The following MYT1L variants were observed in gnomAD, a reference collection of about 807,000 sequenced individuals.
MYT1L encodes the protein myelin transcription factor 1 like.
Under a neutral mutation model 126.7 loss-of-function variants are expected in MYT1L, and 12 were observed. The observed-to-expected ratio is 0.09, with a 90% CI of 0.06 to 0.15. MYT1L has a LOEUF of 0.15. Among genes scored for constraint, MYT1L ranks in the 10% least tolerant of loss-of-function variants. The pLI is 1.00. For synonymous variants in MYT1L, 541 were observed against 604.2 expected (o/e 0.90, Z 1.53); for missense variants, 979 against 1,585.2 (o/e 0.62, Z 6.49).
Position 2,156,824 on chromosome 2 carries a change from G to T in MYT1L, c.-304+16048C>A, listed in dbSNP as rs539122354. Among the ~76,000 whole-genome samples the T allele has an allele frequency of 1.8e-4, 27 of 152,320 alleles. No homozygotes were observed. The South Asian group carries it at 5.4e-3, about 30-fold the overall frequency. ...TGTCATCTTGGGAACAGAGCAAAGC[G>T]GCTGTTGGAGAGCCCTGCTGAGACA... On this transcript the variant is annotated intron_variant, in intron 3 of 24. Coordinates refer to ENST00000647738, the MANE Select transcript of MYT1L (RefSeq NM_001303052.2).
intron 2 of MYT1L, among the ~76,000 whole-genome samples, chr2:2,273,699 G>T (rs1342680964): frequency 6.6e-6 from 1 of 152,180 alleles, no homozygotes; most frequent in Admixed American, 6.5e-5. Context: ...AGCAGCGGGA[G>T]GTACCCAGCT....
chr2:1,853,225 A>G (rs1372058588), intron 18 of MYT1L, among the ~76,000 whole-genome samples: 1 of 152,180 alleles, frequency 6.6e-6, no homozygotes, highest in African/African-American at 2.4e-5. Context: ...GAAGCAGTAA[A>G]GGGTTCTTCT....
chr2:2,149,776 G>A (rs972038719), intron 3 of MYT1L, among the ~76,000 whole-genome samples: 2 of 151,488 alleles, frequency 1.3e-5, no homozygotes, highest in Non-Finnish European at 2.9e-5. Context: ...CTCAAATTAG[G>A]CTGCCATCCC....
At chr2:2,087,414 C>A (rs1178926902) in intron 3 of MYT1L, among the ~76,000 whole-genome samples, 1 of 152,120 alleles carries the variant, frequency 6.6e-6, no homozygotes, top group East Asian at 1.9e-4. Context: ...AGGTAATAGG[C>A]AAAGTGAAGC....
At chr2:1,934,225 T>C (rs538621639) in intron 9 of MYT1L, among the ~76,000 whole-genome samples, 227 of 150,542 alleles carry the variant, frequency 1.5e-3, no homozygotes, top group East Asian at 0.011. Flanking sequence ...CCTCCCGCCT[T>C]GGCCTCCAAA....
intron 2 of MYT1L, among the ~76,000 whole-genome samples, chr2:2,281,402 G>A (rs1402293266): frequency 6.6e-6 from 1 of 152,156 alleles, no homozygotes; most frequent in Non-Finnish European, 1.5e-5. Context: ...TAATAGTGTG[G>A]GGCAAATGAC....
intron 3 of MYT1L, among the ~76,000 whole-genome samples, chr2:2,078,453 G>A (rs1212471174): frequency 6.6e-6 from 1 of 152,056 alleles, no homozygotes; most frequent in Non-Finnish European, 1.5e-5. Context: ...AACGCACTTT[G>A]AATTCAAAGC....
In MYT1L at chr2:2,111,338, G is replaced by A. The variant is rs74465343; in HGVS notation, c.-303-57215C>T. 3.6e-4 allele frequency among the ~76,000 whole-genome samples: 55 copies of A among 152,220 alleles called. 1 individual carries two copies. In the East Asian group the frequency reaches 0.01, roughly 28 times the overall value. ...GTAACAGAGCACAAGTCCTAGGAGC[G>A]TCCTCCCATCCTCCCCCCGACGGCA... On this transcript the variant is annotated intron_variant, in intron 3 of 24. Coordinates refer to ENST00000647738, the MANE Select transcript of MYT1L (RefSeq NM_001303052.2).
intron 19 of MYT1L, chr2:1,842,007 TAAAAC>T (rs1227248808): frequency 6.6e-6 from 1 of 152,152 alleles, no homozygotes; most frequent in East Asian, 1.9e-4. Flanking sequence ...AAATAATACA[TAAAAC>T]AAATGGGATT....
At chr2:1,967,766 C>CGA (rs966905632) in intron 8 of MYT1L, among the ~76,000 whole-genome samples, 1 of 152,032 alleles carries the variant, frequency 6.6e-6, no homozygotes, top group Admixed American at 6.6e-5. Flanking sequence ...GCTGCGCAGG[C>CGA]GAGACGAGGT....
chr2:2,109,411 G>A (rs2079111006), intron 3 of MYT1L, among the ~76,000 whole-genome samples: 1 of 152,134 alleles, frequency 6.6e-6, no homozygotes, highest in African/African-American at 2.4e-5. Flanking sequence ...AGCCGGATGG[G>A]CGCCAGAGGT....
intron 5 of MYT1L, among the ~76,000 whole-genome samples, chr2:1,995,099 A>ACAGGGTATGG (rs1359364844): frequency 2.6e-5 from 4 of 152,156 alleles, no homozygotes; most frequent in Non-Finnish European, 5.9e-5. Flanking sequence ...AAGTTTAGAG[A>ACAGGGTATGG]CAGGGTATGG....
chr2:2,217,976 G>C (rs1005268137), intron 2 of MYT1L, among the ~76,000 whole-genome samples: 1 of 152,166 alleles, frequency 6.6e-6, no homozygotes, highest in African/African-American at 2.4e-5. Flanking sequence ...AAGATGCTTA[G>C]CATCAGTAGA....
chr2:1,956,084 C>A (rs1207485623), intron 8 of MYT1L, among the ~76,000 whole-genome samples: 1 of 152,064 alleles, frequency 6.6e-6, no homozygotes, highest in Non-Finnish European at 1.5e-5. Flanking sequence ...ATCTATCTAT[C>A]CATCTTTGTA....
At chr2:2,274,020 C>T (rs1022118619) in intron 2 of MYT1L, among the ~76,000 whole-genome samples, 2 of 151,932 alleles carry the variant, frequency 1.3e-5, no homozygotes, top group Non-Finnish European at 2.9e-5. Flanking sequence ...ATCCATATGA[C>T]ACATTTTTAC....
intron 3 of MYT1L, among the ~76,000 whole-genome samples, chr2:2,132,636 AC>A (rs1463130445): frequency 1.3e-5 from 2 of 151,992 alleles, no homozygotes; most frequent in Non-Finnish European, 2.9e-5. Flanking sequence ...GGGGCTTAAA[AC>A]CTAGATGATG....
At chr2:2,004,960 G>GTTCTTTCCTGCATGCC (rs1232136544) in intron 4 of MYT1L, among the ~76,000 whole-genome samples, 6 of 132,744 alleles carry the variant, frequency 4.5e-5, no homozygotes, top group Non-Finnish European at 8.0e-5. Context: ...TCCTGCATGC[G>GTTCTTTCCTGCATGCC]TTCTTTCCTG....
At chr2:2,076,169 C>T (rs1266331923) in intron 3 of MYT1L, among the ~76,000 whole-genome samples, 1 of 152,104 alleles carries the variant, frequency 6.6e-6, no homozygotes, top group Non-Finnish European at 1.5e-5. Context: ...TAAAGAAATC[C>T]TAGAGAATAT....
chr2:2,164,711 G>C lies in MYT1L; in HGVS notation c.-304+8161C>G, dbSNP rs147206454. Among the ~76,000 whole-genome samples, 459 of 152,234 alleles carry C rather than the reference G, an allele frequency of 3.0e-3. 1 individual carries two copies. Among genetic ancestry groups the C allele is most frequent in the Non-Finnish European group, 4.6e-3 (316 of 68,008 alleles). ...GTGACATTCTGCAACGTGCTTTCAG[G>C]GCATATGAAAGAAAGACACGTGCTG... is the stretch of plus-strand genomic sequence containing the variant. On this transcript the variant is annotated intron_variant, in intron 3 of 24. Transcript: ENST00000647738.
Sources: allele counts gnomAD v4.1 joint callset (sites outside exome capture counted in the v4.1 genomes callset), GRCh38; gene constraint gnomAD v4.1.1; transcripts MANE v1.5; gene names NCBI Gene and HGNC (gene_info 2026-07-23, HGNC 2026-07-21).